MICA: variants seen among roughly 807,000 people sequenced by gnomAD.
MICA encodes HLA class I antigen.
A neutral mutation model predicts 34.3 loss-of-function variants in MICA; 18 were observed. That is an observed-to-expected ratio of 0.52 (90% CI 0.36 to 0.78). The LOEUF is 0.78. MICA is among the 30% of genes least tolerant of loss of function. The pLI is 0.00. For missense variants in MICA, 333 were observed against 409.4 expected (o/e 0.81, Z 1.61); for synonymous variants, 135 against 156.9 (o/e 0.86, Z 1.04).
At position 31,415,078 on chromosome 6, in the gene MICA, A is replaced by T; in HGVS notation, c.*96A>T. On this transcript the variant is annotated 3_prime_UTR_variant, in exon 6 of 6. Coordinates refer to ENST00000449934, the MANE Select transcript of MICA (RefSeq NM_001177519.3). ...ACGAGTGACCACAGGGATGCCACAC[A>T]GCTCGGATTTCAGCCTCTGATGTCA... 5 of 1,350,592 alleles carry T rather than the reference A, an allele frequency of 3.7e-6. No individual in the cohort carries two copies. The highest frequency in any genetic ancestry group is 5.3e-6 in the Non-Finnish European group (5 of 952,202). The allele number at this position is 1,350,592 out of a possible 1,614,324, so 83.7% of individuals were successfully genotyped here.
At chr6:31,403,561 G>T, upstream of MICA, 1 of 1,291,188 alleles carries the variant, frequency 7.7e-7, no homozygotes. The surrounding 1 kb of genome is among the most constrained non-coding windows in gnomAD (Gnocchi z 4.7). Context: ...ACCGGGCCAG[G>T]TGACTAAGTT....
Position 31,412,106 on chromosome 6 carries a change from C to T in MICA, c.773C>T (p.Pro258Leu). 6.2e-7 allele frequency: 1 copy of T among 1,613,164 alleles called. No individual in the cohort carries two copies. Among genetic ancestry groups the T allele is most frequent in the Non-Finnish European group, 8.5e-7 (1 of 1,179,946 alleles). Residue 258 changes from proline (P) to leucine (L), a missense_variant, in exon 4 of 6, where the codon CCT becomes CTT. Physicochemically the swap from Pro to Leu is moderately conservative, Grantham distance 98 (BLOSUM62 -3). Transcript: ENST00000449934. ...HDTQQWGDVL[P>L]DGNGTYQTWV... ...ACCCAGCAGTGGGGGGATGTCCTGC[C>T]TGATGGGAATGGAACCTACCAGACC...
Position 31,411,452 on chromosome 6 carries a change from A to G in MICA, c.613+93A>G. On this transcript the variant is annotated intron_variant, in intron 3 of 5. Coordinates refer to ENST00000449934, the MANE Select transcript of MICA (RefSeq NM_001177519.3). The surrounding 1 kb of genome is among the most constrained non-coding windows in gnomAD (Gnocchi z 4.3). Reference sequence around the variant, plus strand: ...TGTCCAGGGAAACCCTCCCTGTGCTATGGATGAAGGCATTTCCTGTTGGCA... The same window carrying G: ...TGTCCAGGGAAACCCTCCCTGTGCTGTGGATGAAGGCATTTCCTGTTGGCA... 1 of 1,254,214 alleles carries G rather than the reference A, an allele frequency of 8.0e-7. No homozygotes were observed. Among genetic ancestry groups the G allele is most frequent in the African/African-American group, 1.5e-5 (1 of 65,122 alleles). The allele number at this position is 1,254,214 out of a possible 1,614,324, so 77.7% of individuals were successfully genotyped here. A position where few individuals can be genotyped will look rare whatever the true frequency, so the allele number is the denominator to read the frequency against.
chr6:31,411,824 C>T lies in MICA; in HGVS notation c.614-123C>T. On this transcript the variant is annotated intron_variant, in intron 3 of 5. Coordinates refer to ENST00000449934, the MANE Select transcript of MICA (RefSeq NM_001177519.3). This position sits in a 1 kb window ranked among gnomAD's most constrained non-coding sequence, Gnocchi z 4.3. ...AACTGGGCCCCAGAGTGAGGACAGA[C>T]TTGCAGGTCAGGGGTCCCGGAGGGC... 7.1e-7 allele frequency: 1 copy of T among 1,416,748 alleles called. No individual in the cohort carries two copies. The highest frequency in any genetic ancestry group is 9.4e-7 in the Non-Finnish European group (1 of 1,069,324). The allele number at this position is 1,416,748 out of a possible 1,614,324, so 87.8% of individuals were successfully genotyped here. A position where few individuals can be genotyped will look rare whatever the true frequency, so the allele number is the denominator to read the frequency against.
Position 31,411,425 on chromosome 6 carries a change from T to G in MICA, c.613+66T>G. On this transcript the variant is annotated intron_variant, in intron 3 of 5. Transcript: ENST00000449934. The surrounding 1 kb of genome is among the most constrained non-coding windows in gnomAD (Gnocchi z 4.3). ...TGCTAGAGTTGCCTCACCTCCCAGA[T>G]GTGTCCAGGGAAACCCTCCCTGTGC... 6.9e-7 allele frequency: 1 copy of G among 1,450,394 alleles called. No individual in the cohort carries two copies. Among genetic ancestry groups the G allele is most frequent in the Non-Finnish European group, 9.2e-7 (1 of 1,081,468 alleles). 89.8% of individuals were successfully genotyped at this position (1,450,394 alleles called of 1,614,324 possible).
At chr6:31,405,898 T>A (rs755124303) in intron 1 of MICA, among the ~76,000 whole-genome samples, 2 of 151,922 alleles carry the variant, frequency 1.3e-5, no homozygotes, top group Non-Finnish European at 2.9e-5. Context: ...GCTGAATAGT[T>A]CTCCACATAC....
Position 31,411,204 on chromosome 6 carries a change from C to G in MICA, c.458C>G (p.Pro153Arg). Residue 153 changes from proline to arginine, a missense_variant, in exon 3 of 6, where the codon CCC (proline) becomes CGC (arginine). Transcript: ENST00000449934. This position sits in a 1 kb window ranked among gnomAD's most constrained non-coding sequence, Gnocchi z 4.3. The stretch of plus-strand genomic sequence containing the variant: ...CTGGAGACTGAGGAATGGACAGTGC[C>G]CCAGTCCTCCAGAGCTCAGACCTTG... ...QNLETEEWTVPQSSRAQTLAM... is the reference protein window; with the variant it reads ...QNLETEEWTVRQSSRAQTLAM... 1 of 1,613,378 alleles carries G rather than the reference C, an allele frequency of 6.2e-7. No homozygotes were observed. The highest frequency in any genetic ancestry group is 8.5e-7 in the Non-Finnish European group (1 of 1,179,966).
rs1188302883 is a variant in MICA at position 31,403,638 on chromosome 6, G to C, written c.6G>C (p.Gly2=). 3 of 1,525,700 alleles carry C rather than the reference G, an allele frequency of 2.0e-6. No homozygotes were observed. Among genetic ancestry groups the C allele is most frequent in the Non-Finnish European group, 2.6e-6 (3 of 1,137,592 alleles). The allele number at this position is 1,525,700 out of a possible 1,614,324, so 94.5% of individuals were successfully genotyped here. A position where few individuals can be genotyped will look rare whatever the true frequency, so the allele number is the denominator to read the frequency against. ...AGGGTGGCGACGTCGGGGCCATGGG[G>C]CTGGGCCCGGTCTTTCTGCTTCTGG... The part of the protein sequence containing the change: M[G]LGPVFLLLAG... Residue 2 remains glycine, a synonymous_variant, in exon 1 of 6, where the codon GGG becomes GGC. Transcript: ENST00000449934. The surrounding 1 kb of genome is among the most constrained non-coding windows in gnomAD (Gnocchi z 4.7).
chr6:31,403,317 G>T (rs867668271), upstream of MICA, among the ~76,000 whole-genome samples: 138 of 151,944 alleles, frequency 9.1e-4, 2 homozygotes, highest in African/African-American at 3.2e-3. The surrounding 1 kb of genome is among the most constrained non-coding windows in gnomAD (Gnocchi z 4.7). Flanking sequence ...GGGCAGGCAG[G>T]GCCCTGGCCG....
intron 1 of MICA, among the ~76,000 whole-genome samples, chr6:31,406,017 A>G (rs1770728568): frequency 6.6e-6 from 1 of 151,972 alleles, no homozygotes; most frequent in Non-Finnish European, 1.5e-5. Context: ...AAAAGTAGAT[A>G]GCTCTTTAAT....
chr6:31,411,038 C>T lies in MICA; in HGVS notation c.326-34C>T, dbSNP rs779741291. ...CACTTGGGTGGAAAGGTGATGGGTT[C>T]GGGAATGGAGAAGTCACTGCTGGGT... On this transcript the variant is annotated intron_variant, in intron 2 of 5. Transcript: ENST00000449934. This position sits in a 1 kb window ranked among gnomAD's most constrained non-coding sequence, Gnocchi z 4.3. 1.9e-5 allele frequency: 30 copies of T among 1,539,234 alleles called. No homozygotes were observed. Among genetic ancestry groups the T allele is most frequent in the Admixed American group, 1.0e-4 (5 of 49,578 alleles).
upstream of MICA, chr6:31,402,222 T>A (rs1770468944): frequency 6.6e-6 from 1 of 152,000 alleles, no homozygotes; most frequent in Non-Finnish European, 1.5e-5. Flanking sequence ...TGTGATCAAT[T>A]AGTTGTAAAC....
upstream of MICA, among the ~76,000 whole-genome samples, chr6:31,401,426 T>TA (rs545804885): frequency 6.8e-3 from 1,022 of 150,750 alleles, 16 homozygotes; most frequent in African/African-American, 0.022. Flanking sequence ...TAGTTGAACT[T>TA]AAAAAAAAAG....
At chr6:31,409,907 T>G (rs551937632) in intron 1 of MICA, among the ~76,000 whole-genome samples, 2 of 151,930 alleles carry the variant, frequency 1.3e-5, no homozygotes, top group East Asian at 1.9e-4. Flanking sequence ...ACACTAGCTG[T>G]TCCATCCAAT....
At position 31,410,618 on chromosome 6, in the gene MICA, T is replaced by G. The variant is rs17200158; in HGVS notation, c.146T>G (p.Val49Gly). ...GTGCAGTCAGGGTTTCTTGCTGAGGTACATCTGGATGGTCAGCCCTTCCTG... is the reference window on the plus strand; with the variant it reads ...GTGCAGTCAGGGTTTCTTGCTGAGGGACATCTGGATGGTCAGCCCTTCCTG... ...GSVQSGFLAE[V>G]HLDGQPFLRY... The change falls in exon 2 of 6, where the codon GTA (valine) becomes GGA (glycine). Residue 49 changes from valine to glycine, a missense_variant. Transcript: ENST00000449934. 2,046 of 1,613,404 alleles carry G rather than the reference T, an allele frequency of 1.3e-3. 37 individuals are homozygous for G. The African/African-American group carries it at 0.019, about 15-fold the overall frequency.
chr6:31,403,579 C>T (rs941320627), upstream of MICA: 3 of 1,402,364 alleles, frequency 2.1e-6, no homozygotes, highest in South Asian at 1.4e-5. This position sits in a 1 kb window ranked among gnomAD's most constrained non-coding sequence, Gnocchi z 4.7. Context: ...GTTTCCGCGG[C>T]GCCTTCTCCC....
chr6:31,412,499 C>T (rs147790542), intron 5 of MICA, 39 bp downstream of exon 5: 21,444 of 1,324,356 alleles, frequency 0.016, 395 homozygotes, highest in Middle Eastern at 0.1. Flanking sequence ...GGTAAGGCCC[C>T]TGTCTGGGCA....
At position 31,411,874 on chromosome 6, in the gene MICA, G is replaced by A; in HGVS notation, c.614-73G>A. 6.5e-7 allele frequency: 1 copy of A among 1,541,240 alleles called. No homozygotes were observed. Among genetic ancestry groups the A allele is most frequent in the Admixed American group, 2.0e-5 (1 of 49,076 alleles). The stretch of plus-strand genomic sequence containing the variant: ...CTTCAGCCAGAGTGAGAACAGTGAA[G>A]AGAAACAGCCCTGTTCCTCTCCCCT... On this transcript the variant is annotated intron_variant, in intron 3 of 5. Coordinates refer to ENST00000449934, the MANE Select transcript of MICA (RefSeq NM_001177519.3). The surrounding 1 kb of genome is among the most constrained non-coding windows in gnomAD (Gnocchi z 4.3).
At chr6:31,402,695 C>A (rs1770501077), upstream of MICA, among the ~76,000 whole-genome samples, 1 of 151,636 alleles carries the variant, frequency 6.6e-6, no homozygotes, top group Non-Finnish European at 1.5e-5. Flanking sequence ...CAGAAGGGAC[C>A]AAGGATGGTG....
Sources: gnomAD v4.1 joint callset for allele counts (sites outside exome capture counted in the v4.1 genomes callset) on GRCh38, gnomAD v4.1.1 for gene constraint, Gnocchi (gnomAD v3.1) non-coding constraint, MANE v1.5 for transcripts, NCBI Gene and HGNC (gene_info 2026-07-23, HGNC 2026-07-21) for gene names.